CD86: variants seen among roughly 807,000 people sequenced by gnomAD.
CD86 encodes the protein CD86 molecule, also known as T-lymphocyte activation antigen CD86.
CD86 carries 11 observed loss-of-function variants against 32.1 expected under a neutral mutation model. The observed-to-expected ratio is 0.34, with a 90% CI of 0.22 to 0.57. The LOEUF (loss-of-function observed/expected upper bound fraction) is 0.57. Ranked by LOEUF, CD86 falls within the 20% of genes least tolerant of loss-of-function variation. CD86 has a pLI of 0.86. For missense variants in CD86, 359 were observed against 398.4 expected (o/e 0.90, Z 0.84); for synonymous variants, 137 against 135.3 (o/e 1.01, Z -0.09).
Position 122,102,020 on chromosome 3 carries a change from A to G in CD86, c.65-1492A>G, listed in dbSNP as rs182514973. Among the ~76,000 whole-genome samples, 29 of 152,218 alleles carry G rather than the reference A, an allele frequency of 1.9e-4. No individual in the cohort carries two copies. The East Asian group carries it at 5.4e-3, about 28-fold the overall frequency. On this transcript the variant is annotated intron_variant, in intron 2 of 6. Transcript: ENST00000330540. ...TTCATATTTGTGCAAACTCCCACTG[A>G]TGCCTGCTGTCTGCTTCCCTAAGAG...
chr3:122,081,558 G>A (rs375320451), intron 1 of CD86, among the ~76,000 whole-genome samples: 89 of 152,324 alleles, frequency 5.8e-4, no homozygotes, highest in African/African-American at 1.9e-3. Flanking sequence ...GACAGAGGAC[G>A]ATAGCTACCA....
intron 1 of CD86, among the ~76,000 whole-genome samples, chr3:122,087,110 C>T (rs2072735119): frequency 6.6e-6 from 1 of 152,174 alleles, no homozygotes; most frequent in African/African-American, 2.4e-5. Flanking sequence ...TTCATGTTCT[C>T]TGATGGGCCA....
At chr3:122,072,694 G>A (rs1417187143) in intron 1 of CD86, among the ~76,000 whole-genome samples, 3 of 152,124 alleles carry the variant, frequency 2.0e-5, no homozygotes, top group Admixed American at 2.0e-4. Context: ...TGTTCACTCT[G>A]ATGGTATTTT....
chr3:122,074,878 G>A (rs2072535836), intron 1 of CD86, among the ~76,000 whole-genome samples: 1 of 152,106 alleles, frequency 6.6e-6, no homozygotes, highest in Non-Finnish European at 1.5e-5. Flanking sequence ...AGTAACCTCA[G>A]CAACTTCCTC....
chr3:122,079,831 T>C (rs1293327863), intron 1 of CD86, among the ~76,000 whole-genome samples: 1 of 152,224 alleles, frequency 6.6e-6, no homozygotes, highest in Non-Finnish European at 1.5e-5. Context: ...TCTCGTTCCC[T>C]ATCGGTCCTC....
intron 1 of CD86, among the ~76,000 whole-genome samples, chr3:122,072,577 G>GT (rs2072503532): frequency 6.6e-6 from 1 of 152,100 alleles, no homozygotes; most frequent in African/African-American, 2.4e-5. Context: ...TGATGGGGTT[G>GT]TTTGTTTTTT....
At chr3:122,071,935 T>G (rs2072494867) in intron 1 of CD86, among the ~76,000 whole-genome samples, 1 of 136,576 alleles carries the variant, frequency 7.3e-6, no homozygotes, top group South Asian at 2.4e-4. Context: ...TGTGTCCATG[T>G]GTTCTCATTG....
chr3:122,095,427 C>T (rs554557732), intron 2 of CD86, among the ~76,000 whole-genome samples: 10 of 152,202 alleles, frequency 6.6e-5, no homozygotes, highest in East Asian at 3.9e-4. Context: ...GTGATCTGCC[C>T]GCCTCGACCT....
chr3:122,079,452 C>G (rs760434990), intron 1 of CD86, among the ~76,000 whole-genome samples: 1 of 152,102 alleles, frequency 6.6e-6, no homozygotes, highest in Non-Finnish European at 1.5e-5. Flanking sequence ...GTCCCTAGGC[C>G]AGGGGATTGA....
intron 2 of CD86, among the ~76,000 whole-genome samples, chr3:122,100,278 A>G (rs1257995165): frequency 6.6e-6 from 1 of 152,206 alleles, no homozygotes; most frequent in African/African-American, 2.4e-5. Flanking sequence ...CAGACACCTC[A>G]AAAGGGGAAG....
At chr3:122,074,523 C>T (rs1187623271) in intron 1 of CD86, among the ~76,000 whole-genome samples, 2 of 152,208 alleles carry the variant, frequency 1.3e-5, no homozygotes, top group Non-Finnish European at 2.9e-5. Context: ...TCAGCACCGC[C>T]TCCTAGAGTG....
rs867896306 is a variant in CD86, at chr3:122,106,344, G to A, written c.547G>A (p.Asp183Asn). The change falls in exon 4 of 7, where the codon GAT becomes AAT. Residue 183 changes from aspartate (D) to asparagine (N), a missense_variant. Coordinates refer to ENST00000330540, the MANE Select transcript of CD86 (RefSeq NM_175862.5). ...AACCAAGAATTCAACTATCGAGTAT[G>A]ATGGTGTTATGCAGAAATCTCAAGA... is the stretch of plus-strand genomic sequence containing the variant. ...LRTKNSTIEY[D>N]GVMQKSQDNV... 1 of 1,614,004 alleles carries A rather than the reference G, an allele frequency of 6.2e-7. No homozygotes were observed. Among genetic ancestry groups the A allele is most frequent in the Non-Finnish European group, 8.5e-7 (1 of 1,179,998 alleles).
At chr3:122,069,791 A>G (rs141952339) in intron 1 of CD86, among the ~76,000 whole-genome samples, 2 of 152,176 alleles carry the variant, frequency 1.3e-5, no homozygotes, top group Non-Finnish European at 2.9e-5. Flanking sequence ...CCCTGTCTCC[A>G]TCAGACCAGA....
In CD86 at chr3:122,120,190, G is replaced by A. The variant is rs2073321707; in HGVS notation, c.*656G>A. 6.6e-6 allele frequency: 1 copy of A among 152,242 alleles called. No individual in the cohort carries two copies. The highest frequency in any genetic ancestry group is 6.5e-5 in the Admixed American group (1 of 15,274). The allele number at this position is 152,242 out of a possible 1,614,324, so 9.4% of individuals were successfully genotyped here. ...ACCAACCTAAATTTGGGGAAATTAG[G>A]AGAGGCAGAGATAGAACCTGGAGCC... On this transcript the variant is annotated 3_prime_UTR_variant, in exon 7 of 7. Coordinates refer to ENST00000330540, the MANE Select transcript of CD86 (RefSeq NM_175862.5).
chr3:122,102,506 T>A (rs763359277), intron 2 of CD86, among the ~76,000 whole-genome samples: 12 of 146,676 alleles, frequency 8.2e-5, no homozygotes. Flanking sequence ...ATTTAAGTAG[T>A]TGGGTGGCCC....
intron 1 of CD86, among the ~76,000 whole-genome samples, chr3:122,069,300 A>G (rs1451881893): frequency 6.6e-6 from 1 of 152,172 alleles, no homozygotes; most frequent in Non-Finnish European, 1.5e-5. Flanking sequence ...AAAAAACTAG[A>G]AATTCCAAAT....
chr3:122,111,104 TGACCCCTAAG>T (rs2073165295), intron 5 of CD86, among the ~76,000 whole-genome samples: 1 of 152,194 alleles, frequency 6.6e-6, no homozygotes, highest in African/African-American at 2.4e-5. Flanking sequence ...GGCACATACA[TGACCCCTAAG>T]AATGTAATGA....
rs1446101797 is a variant in CD86 at position 122,077,793 on chromosome 3, T to C, written c.15-13808T>C. On this transcript the variant is annotated intron_variant, in intron 1 of 6. Transcript: ENST00000330540. The stretch of plus-strand genomic sequence containing the variant: ...ATGCCCACCTGCCGGCAGAAGTTAT[T>C]TGGAACCAAGCAAGAGCACTGTCCC... 4.1e-6 allele frequency: 4 copies of C among 985,370 alleles called. No individual in the cohort carries two copies. The South Asian group carries it at 1.4e-4, about 35-fold the overall frequency. 61.0% of individuals were successfully genotyped at this position (985,370 alleles called of 1,614,324 possible).
chr3:122,103,763 G>A lies in CD86; in HGVS notation c.316G>A (p.Gly106Ser). ...TCACAATCTTCAGATCAAGGACAAG[G>A]GCTTGTATCAATGTATCATCCATCA... is the stretch of plus-strand genomic sequence containing the variant. ...RLHNLQIKDK[G>S]LYQCIIHHKK... The change falls in exon 3 of 7, where the codon GGC (glycine) becomes AGC (serine). Residue 106 changes from glycine to serine, a missense_variant. Coordinates refer to ENST00000330540, the MANE Select transcript of CD86 (RefSeq NM_175862.5). 6.2e-7 allele frequency: 1 copy of A among 1,614,000 alleles called. No individual in the cohort carries two copies. Among genetic ancestry groups the A allele is most frequent in the Non-Finnish European group, 8.5e-7 (1 of 1,179,914 alleles).
Sources: allele counts gnomAD v4.1 joint callset (sites outside exome capture counted in the v4.1 genomes callset), GRCh38; gene constraint gnomAD v4.1.1; transcripts MANE v1.5; gene names NCBI Gene and HGNC (gene_info 2026-07-23, HGNC 2026-07-21).